The following USH2A variants were observed in gnomAD, a reference collection of about 807,000 sequenced individuals.
The protein encoded by USH2A is usherin.
Under a neutral mutation model 538.9 loss-of-function variants are expected in USH2A, and 443 were observed. The observed-to-expected ratio is 0.82, with a 90% confidence interval of 0.76 to 0.89. USH2A has a LOEUF of 0.89. Among genes scored for constraint, USH2A ranks in the 40% least tolerant of loss-of-function variants. The probability of loss-of-function intolerance (pLI) is 0.00; values close to 1 mark genes in which losing one functional copy is unlikely to be tolerated. For synonymous variants in USH2A, 2,413 were observed against 2,273.5 expected (o/e 1.06, Z -1.75); for missense variants, 6,633 against 6,324.8 (o/e 1.05, Z -1.65).
rs552787542 is a variant in USH2A at position 215,866,337 on chromosome 1, G to A, written c.8845+670C>T. ...AATTTCAGTTACTGTGGTTTCTAAC[G>A]TTGCAGGAACAGATTAGATTACTCT... is the stretch of plus-strand genomic sequence containing the variant. On this transcript the variant is annotated intron_variant, in intron 44 of 71. Transcript: ENST00000307340. 3.9e-5 allele frequency among the ~76,000 whole-genome samples: 6 copies of A among 152,212 alleles called. 1 individual carries two copies. In the South Asian group the frequency reaches 6.2e-4, roughly 16 times the overall value.
chr1:216,407,103 T>G (rs2102768006), intron 3 of USH2A, among the ~76,000 whole-genome samples: 1 of 152,146 alleles, frequency 6.6e-6, no homozygotes, highest in Middle Eastern at 3.4e-3. Flanking sequence ...CTTTTCTTGC[T>G]CTCTTCTGTC....
intron 20 of USH2A, among the ~76,000 whole-genome samples, chr1:216,175,822 C>T (rs1274101896): frequency 6.6e-6 from 1 of 152,124 alleles, no homozygotes; most frequent in Non-Finnish European, 1.5e-5. Flanking sequence ...AGTCCCTCTA[C>T]CAAGCAGGTA....
chr1:216,000,279 A>C, intron 33 of USH2A, 124 bp downstream of exon 33: 4 of 1,322,664 alleles, frequency 3.0e-6, no homozygotes, highest in Non-Finnish European at 4.3e-6. Flanking sequence ...GATCCACTGA[A>C]CTAATCACTT....
chr1:215,762,861 G>C (rs573612367), intron 56 of USH2A, among the ~76,000 whole-genome samples: 49 of 152,262 alleles, frequency 3.2e-4, no homozygotes, highest in African/African-American at 1.2e-3. Flanking sequence ...AGGTTAAAAG[G>C]GGAAAGGTAG....
At chr1:216,244,103 A>G (rs1266912201) in intron 13 of USH2A, among the ~76,000 whole-genome samples, 4 of 152,190 alleles carry the variant, frequency 2.6e-5, no homozygotes, top group Non-Finnish European at 4.4e-5. Context: ...GTGATGGAGA[A>G]TTTTAGGCAG....
chr1:215,992,924 A>G, intron 35 of USH2A, 96 bp downstream of exon 35: 2 of 1,564,190 alleles, frequency 1.3e-6, no homozygotes, highest in Non-Finnish European at 1.8e-6. Flanking sequence ...TAAAATGATC[A>G]TTAAAAATTA....
intron 44 of USH2A, among the ~76,000 whole-genome samples, chr1:215,852,328 A>G (rs1219234730): frequency 6.6e-6 from 1 of 152,310 alleles, no homozygotes; most frequent in African/African-American, 2.4e-5. Context: ...CTTATTCACT[A>G]TCACAAGAAT....
intron 4 of USH2A, among the ~76,000 whole-genome samples, chr1:216,335,537 C>T (rs1207449870): frequency 6.6e-6 from 1 of 151,278 alleles, no homozygotes; most frequent in Non-Finnish European, 1.5e-5. Context: ...TTCAACTAGA[C>T]TAGCCAAGAA....
At chr1:216,279,043 A>G (rs1367546895) in intron 11 of USH2A, among the ~76,000 whole-genome samples, 1 of 152,144 alleles carries the variant, frequency 6.6e-6, no homozygotes. Flanking sequence ...CATTTCGTCT[A>G]ATTCATTTCA....
At chr1:216,072,848 T>A in intron 29 of USH2A, 41 bp downstream of exon 29, 1 of 1,481,530 alleles carries the variant, frequency 6.7e-7, no homozygotes, top group Non-Finnish European at 9.4e-7. Context: ...AATACATGCA[T>A]GTGTGTGTGT....
chr1:215,743,255 C>T lies in USH2A; in HGVS notation c.11470G>A (p.Gly3824Ser). The T allele has an allele frequency of 6.2e-7, 1 of 1,611,666 alleles. No homozygotes were observed. The highest frequency in any genetic ancestry group is 8.5e-7 in the Non-Finnish European group (1 of 1,179,336). ...GSVTPLAFSV[G>S]HHQSTLLENL... ...TCCAGAAGGGTGGATTGATGATGAC[C>T]AACGGAGAAGGCCAGAGGTGTTACA... Residue 3824 changes from glycine (G) to serine (S), a missense_variant, in exon 59 of 72, where the codon GGT (glycine) becomes AGT (serine). By Grantham distance (56) the Gly-to-Ser change is moderately conservative. Transcript: ENST00000307340.
chr1:215,874,836 A>C (rs1359351539), intron 43 of USH2A, among the ~76,000 whole-genome samples: 8 of 152,196 alleles, frequency 5.3e-5, no homozygotes, highest in Non-Finnish European at 1.2e-4. Flanking sequence ...GGAGAATAGG[A>C]AATTACATAA....
chr1:216,271,722 A>G (rs926161297), intron 11 of USH2A, among the ~76,000 whole-genome samples: 2 of 152,016 alleles, frequency 1.3e-5, no homozygotes, highest in African/African-American at 4.8e-5. Flanking sequence ...ATTTATCATG[A>G]AAGTGTTTTG....
intron 21 of USH2A, among the ~76,000 whole-genome samples, chr1:216,161,968 G>A (rs924583432): frequency 7.9e-5 from 12 of 151,818 alleles, no homozygotes; most frequent in Non-Finnish European, 2.9e-5. Flanking sequence ...TGCTTTTGAA[G>A]GTTTTTCTTT....
intron 4 of USH2A, 34 bp downstream of exon 4, chr1:216,364,919 T>C (rs1236817853): frequency 6.2e-7 from 1 of 1,612,240 alleles, no homozygotes; most frequent in East Asian, 2.2e-5. Flanking sequence ...TGTAATTGGA[T>C]GAAATAAATA....
At chr1:216,327,240 A>C (rs12029697) in intron 5 of USH2A, among the ~76,000 whole-genome samples, 1,725 of 152,278 alleles carry the variant, frequency 0.011, 25 homozygotes, top group East Asian at 0.036. Context: ...AAACCAATTT[A>C]AAAAAGGCAG....
intron 30 of USH2A, among the ~76,000 whole-genome samples, chr1:216,061,441 A>G (rs1256262640): frequency 6.6e-6 from 1 of 152,026 alleles, no homozygotes; most frequent in East Asian, 1.9e-4. Context: ...ATTTCCTAAC[A>G]TTTTTGAGTT....
intron 3 of USH2A, among the ~76,000 whole-genome samples, chr1:216,377,413 T>A (rs2038842282): frequency 6.6e-6 from 1 of 152,122 alleles, no homozygotes; most frequent in South Asian, 2.1e-4. Flanking sequence ...CATCCCTGAA[T>A]ACAAAAGTAG....
chr1:215,974,975 CT>C (rs1047496037), intron 35 of USH2A, among the ~76,000 whole-genome samples: 28 of 152,072 alleles, frequency 1.8e-4, no homozygotes, highest in African/African-American at 6.8e-4. Context: ...GCATTCAACC[CT>C]TTTCTTTGCA....
Sources: allele counts gnomAD v4.1 joint callset (sites outside exome capture counted in the v4.1 genomes callset), GRCh38; gene constraint gnomAD v4.1.1; transcripts MANE v1.5; gene names NCBI Gene and HGNC (gene_info 2026-07-23, HGNC 2026-07-21).